The following SORCS3 variants were observed in gnomAD, a reference collection of about 807,000 sequenced individuals.
The protein encoded by SORCS3 is sortilin related VPS10 domain containing receptor 3.
In SORCS3, 57 loss-of-function variants were observed where a neutral mutation model predicts 146.3. The ratio of observed to expected loss-of-function variants is 0.39; its 90% CI spans 0.31 to 0.49. SORCS3 has a LOEUF of 0.49. Among genes scored for constraint, SORCS3 ranks in the 20% least tolerant of loss-of-function variants. The probability of loss-of-function intolerance (pLI) is 0.92; values close to 1 mark genes in which losing one functional copy is unlikely to be tolerated. For missense variants in SORCS3, 1,341 were observed against 1,575.5 expected (o/e 0.85, Z 2.52); for synonymous variants, 653 against 618.5 (o/e 1.06, Z -0.83).
At chr10:104,656,689 A>G (rs1256442734) in intron 1 of SORCS3, among the ~76,000 whole-genome samples, 1 of 152,114 alleles carries the variant, frequency 6.6e-6, no homozygotes, top group East Asian at 1.9e-4. Flanking sequence ...AAAAGAAAAA[A>G]AGTAAAGAGG....
intron 1 of SORCS3, among the ~76,000 whole-genome samples, chr10:104,797,740 G>A (rs2017573842): frequency 1.3e-5 from 2 of 152,116 alleles, no homozygotes; most frequent in Non-Finnish European, 2.9e-5. Flanking sequence ...TCCATGCTTA[G>A]CTAACTTTTT....
At chr10:105,176,241 T>TA (rs1192194828) in intron 13 of SORCS3, among the ~76,000 whole-genome samples, 1 of 151,810 alleles carries the variant, frequency 6.6e-6, no homozygotes, top group South Asian at 2.1e-4. Flanking sequence ...GTGTTTGACC[T>TA]AAAAAAAATA....
In SORCS3 at chr10:105,000,734, A is replaced by C. The variant is rs372392533; in HGVS notation, c.954+23241A>C. On this transcript the variant is annotated intron_variant, in intron 4 of 26. Transcript: ENST00000369701. ...GAAGACAGTTTGCTGCTGCATGCTC[A>C]GATAGTGGCCAACATATTGGAGGGC... 3.3e-5 allele frequency among the ~76,000 whole-genome samples: 5 copies of C among 152,302 alleles called. No homozygotes were observed. In the South Asian group the frequency reaches 1.0e-3, roughly 32 times the overall value.
At chr10:105,198,347 GC>G (rs1253679546) in intron 14 of SORCS3, among the ~76,000 whole-genome samples, 2 of 152,078 alleles carry the variant, frequency 1.3e-5, no homozygotes, top group East Asian at 3.9e-4. Context: ...AGTTTTGAAG[GC>G]TGGATAGAGA....
chr10:104,947,327 C>T (rs1048685901), intron 3 of SORCS3, among the ~76,000 whole-genome samples: 15 of 152,150 alleles, frequency 9.9e-5, no homozygotes, highest in Non-Finnish European at 1.9e-4. Context: ...TTTCTCCTCT[C>T]TCTGGGTATC....
intron 3 of SORCS3, among the ~76,000 whole-genome samples, chr10:104,955,051 T>G (rs1296446978): frequency 6.6e-6 from 1 of 152,180 alleles, no homozygotes; most frequent in Non-Finnish European, 1.5e-5. Flanking sequence ...AATTAACTAT[T>G]TTTAAAGTGA....
chr10:104,686,626 C>A (rs1185371381), intron 1 of SORCS3, among the ~76,000 whole-genome samples: 5 of 152,042 alleles, frequency 3.3e-5, no homozygotes, highest in Non-Finnish European at 2.9e-5. Flanking sequence ...TCTCTCTCCC[C>A]CATTTTTTCC....
intron 19 of SORCS3, among the ~76,000 whole-genome samples, chr10:105,220,689 C>T (rs1485646310): frequency 6.6e-6 from 1 of 152,050 alleles, no homozygotes; most frequent in Non-Finnish European, 1.5e-5. Flanking sequence ...AGAAGTTTTT[C>T]ATCTCCCCCC....
intron 1 of SORCS3, among the ~76,000 whole-genome samples, chr10:104,705,310 C>G (rs59613918): frequency 7.1e-6 from 1 of 141,408 alleles, no homozygotes; most frequent in African/African-American, 2.6e-5. Context: ...AATACATCAT[C>G]TATGATTTCC....
intron 1 of SORCS3, among the ~76,000 whole-genome samples, chr10:104,810,509 C>T (rs1564689088): frequency 6.6e-6 from 1 of 152,152 alleles, no homozygotes; most frequent in Non-Finnish European, 1.5e-5. Flanking sequence ...ATTTCAGTCT[C>T]ATCATATTAA....
intron 3 of SORCS3, among the ~76,000 whole-genome samples, chr10:104,952,482 T>A (rs1183808248): frequency 6.6e-6 from 1 of 152,134 alleles, no homozygotes; most frequent in East Asian, 1.9e-4. Context: ...ATGAGCATAT[T>A]AAAGTTTGAA....
chr10:104,877,422 A>G (rs2018587392), intron 2 of SORCS3, among the ~76,000 whole-genome samples: 1 of 152,142 alleles, frequency 6.6e-6, no homozygotes, highest in South Asian at 2.1e-4. Context: ...TGTAAAGTGG[A>G]TACACTTACA....
chr10:104,688,395 A>G (rs965314465), intron 1 of SORCS3, among the ~76,000 whole-genome samples: 3 of 152,188 alleles, frequency 2.0e-5, no homozygotes, highest in African/African-American at 4.8e-5. Flanking sequence ...CGTGGTGCAG[A>G]AGCTTTGAGC....
intron 3 of SORCS3, among the ~76,000 whole-genome samples, chr10:104,966,257 C>T (rs532977613): frequency 9.2e-5 from 14 of 152,044 alleles, no homozygotes; most frequent in African/African-American, 3.1e-4. Flanking sequence ...AACCACTGTT[C>T]GAAGAATGAA....
chr10:104,769,377 A>G (rs1357175309), intron 1 of SORCS3, among the ~76,000 whole-genome samples: 2 of 152,132 alleles, frequency 1.3e-5, no homozygotes, highest in African/African-American at 4.8e-5. Context: ...CTGTTTCTGG[A>G]AACAGTTTCA....
chr10:104,916,238 CAG>C (rs1280799914), intron 3 of SORCS3, among the ~76,000 whole-genome samples: 2 of 152,124 alleles, frequency 1.3e-5, no homozygotes, highest in African/African-American at 4.8e-5. Context: ...AAGAGAAGCT[CAG>C]AGAGATGAAG....
intron 3 of SORCS3, among the ~76,000 whole-genome samples, chr10:104,920,296 T>G (rs1229196558): frequency 1.3e-5 from 2 of 152,248 alleles, no homozygotes; most frequent in African/African-American, 4.8e-5. Context: ...TAAATTGAGT[T>G]TGTATTCATG....
At chr10:105,031,627 A>C (rs2055268396) in intron 4 of SORCS3, among the ~76,000 whole-genome samples, 1 of 152,194 alleles carries the variant, frequency 6.6e-6, no homozygotes, top group African/African-American at 2.4e-5. Flanking sequence ...AGCTCCTTCC[A>C]GCCTCAGGAA....
At chr10:104,955,791 C>T (rs2019482902) in intron 3 of SORCS3, among the ~76,000 whole-genome samples, 3 of 152,166 alleles carry the variant, frequency 2.0e-5, no homozygotes, top group Admixed American at 1.3e-4. Context: ...TTCATAAATG[C>T]AGGCACCATG....
Sources: gnomAD v4.1 joint callset for allele counts (sites outside exome capture counted in the v4.1 genomes callset) on GRCh38, gnomAD v4.1.1 for gene constraint, MANE v1.5 for transcripts, NCBI Gene and HGNC (gene_info 2026-07-23, HGNC 2026-07-21) for gene names.